Variants in UST observed in about 807,000 individuals in gnomAD.
UST encodes the protein chondroitin sulfate 2-O-sulfotransferase.
A neutral mutation model predicts 45.6 loss-of-function variants in UST; 21 were observed. The observed-to-expected ratio is 0.46, with a 90% CI of 0.33 to 0.66. UST has a LOEUF of 0.66. UST is among the 30% of genes least tolerant of loss of function. The pLI is 0.02. For synonymous variants in UST, 215 were observed against 200.6 expected (o/e 1.07, Z -0.61); for missense variants, 463 against 512.4 (o/e 0.90, Z 0.93).
At position 148,902,949 on chromosome 6, in the gene UST, T is replaced by C. The variant is rs148449189; in HGVS notation, c.291+15920T>C. On this transcript the variant is annotated intron_variant, in intron 2 of 7. Transcript: ENST00000367463. ...CTTATTATAACATTCTTTGGTTCCA[T>C]ACGGGGTCTTTACATTTCACACTAA... Among the ~76,000 whole-genome samples, 882 of 152,294 alleles carry C rather than the reference T, an allele frequency of 5.8e-3. 3 individuals are homozygous for C. The highest frequency in any genetic ancestry group is 0.017 in the Middle Eastern group (5 of 294).
At chr6:148,957,675 T>G (rs1177464587) in intron 4 of UST, among the ~76,000 whole-genome samples, 3 of 152,206 alleles carry the variant, frequency 2.0e-5, no homozygotes, top group Non-Finnish European at 4.4e-5. Flanking sequence ...CCTCAAGTGA[T>G]TTGCCCACCT....
intron 2 of UST, among the ~76,000 whole-genome samples, chr6:148,909,819 A>T (rs1474894650): frequency 3.3e-5 from 5 of 152,038 alleles, no homozygotes; most frequent in African/African-American, 1.2e-4. Flanking sequence ...CCCCCGCCAC[A>T]GCAAAAATGA....
At chr6:148,834,601 G>A (rs1777752170) in intron 1 of UST, among the ~76,000 whole-genome samples, 2 of 152,132 alleles carry the variant, frequency 1.3e-5, no homozygotes, top group African/African-American at 2.4e-5. Context: ...CAGGCATGGT[G>A]GTGCACGCCT....
chr6:149,075,441 G>A lies in UST; in HGVS notation c.*1325G>A, dbSNP rs1320787497. ...GAACTCTTACTTGAGACATCAAAAA[G>A]AAGCAGCAAGAGCTTCTGGGACAGA... On this transcript the variant is annotated 3_prime_UTR_variant, in exon 8 of 8. Coordinates refer to ENST00000367463, the MANE Select transcript of UST (RefSeq NM_005715.3). 1 of 152,142 alleles carries A rather than the reference G, an allele frequency of 6.6e-6. No individual in the cohort carries two copies. The highest frequency in any genetic ancestry group is 1.9e-4 in the East Asian group (1 of 5,192). The allele number at this position is 152,142 out of a possible 1,614,324, so 9.4% of individuals were successfully genotyped here.
intron 3 of UST, among the ~76,000 whole-genome samples, chr6:148,951,164 G>A (rs906304911): frequency 2.6e-5 from 4 of 152,208 alleles, no homozygotes; most frequent in African/African-American, 9.7e-5. Context: ...GCCAGTTGAG[G>A]GAAATAGCAC....
intron 1 of UST, among the ~76,000 whole-genome samples, chr6:148,810,609 G>A (rs1197223541): frequency 6.6e-6 from 1 of 152,212 alleles, no homozygotes; most frequent in Non-Finnish European, 1.5e-5. Flanking sequence ...GCTAAGCAAT[G>A]TGGGGTCAAA....
chr6:149,048,615 T>C (rs1412989352), intron 7 of UST, among the ~76,000 whole-genome samples: 1 of 152,082 alleles, frequency 6.6e-6, no homozygotes. Flanking sequence ...TAAAACATAC[T>C]TAAGTTGGCA....
At chr6:149,024,089 C>T (rs1253851097) in intron 7 of UST, among the ~76,000 whole-genome samples, 1 of 152,196 alleles carries the variant, frequency 6.6e-6, no homozygotes, top group Non-Finnish European at 1.5e-5. Flanking sequence ...TAAGCCAGGC[C>T]ACTTGGCCAG....
intron 2 of UST, among the ~76,000 whole-genome samples, chr6:148,924,315 C>T (rs1028227627): frequency 9.2e-5 from 14 of 152,200 alleles, no homozygotes; most frequent in Non-Finnish European, 1.6e-4. Context: ...CACTTCAGGG[C>T]CAGATGTCCC....
intron 1 of UST, among the ~76,000 whole-genome samples, chr6:148,773,774 G>C (rs909008360): frequency 1.3e-5 from 2 of 152,166 alleles, no homozygotes; most frequent in Non-Finnish European, 2.9e-5. Context: ...CAGGTTTAGG[G>C]CTCAGAATAG....
chr6:148,840,487 G>T (rs1302249424), intron 1 of UST, among the ~76,000 whole-genome samples: 5 of 152,172 alleles, frequency 3.3e-5, no homozygotes, highest in African/African-American at 1.2e-4. Context: ...GTTAGCATCA[G>T]AAGGAAGCCA....
rs566921112 is a variant in UST at position 148,866,462 on chromosome 6, G to T, written c.248-20524G>T. Among the ~76,000 whole-genome samples, 4 of 152,184 alleles carry T rather than the reference G, an allele frequency of 2.6e-5. No homozygotes were observed. The East Asian group carries it at 5.8e-4, about 22-fold the overall frequency. ...GGGGAAATTTTTTGACCCCTTGAGG[G>T]TTGTTTCCTCGTCTACAAGATGCGA... On this transcript the variant is annotated intron_variant, in intron 1 of 7. Coordinates refer to ENST00000367463, the MANE Select transcript of UST (RefSeq NM_005715.3).
chr6:148,753,252 C>T (rs1776023837), intron 1 of UST, among the ~76,000 whole-genome samples: 1 of 152,036 alleles, frequency 6.6e-6, no homozygotes, highest in Non-Finnish European at 1.5e-5. Flanking sequence ...TTTTCATCAC[C>T]ACAAGGAGAA....
At chr6:149,030,050 C>T (rs1293835337) in intron 7 of UST, among the ~76,000 whole-genome samples, 1 of 152,098 alleles carries the variant, frequency 6.6e-6, no homozygotes, top group Non-Finnish European at 1.5e-5. Context: ...TTATAAAACA[C>T]TTTCATATAG....
intron 7 of UST, among the ~76,000 whole-genome samples, chr6:149,064,895 A>T (rs1184234890): frequency 3.3e-4 from 8 of 24,056 alleles, no homozygotes; most frequent in African/African-American, 1.5e-3. Context: ...TCCATTTCTA[A>T]AAAAAAAAAA....
At chr6:149,062,985 C>T (rs184176704) in intron 7 of UST, among the ~76,000 whole-genome samples, 2,320 of 152,352 alleles carry the variant, frequency 0.015, 69 homozygotes, top group African/African-American at 0.053. Flanking sequence ...ATACAGAAAG[C>T]AGCCCCCTCC....
At chr6:149,007,568 G>A (rs568711370) in intron 5 of UST, among the ~76,000 whole-genome samples, 172 of 150,644 alleles carry the variant, frequency 1.1e-3, no homozygotes, top group African/African-American at 3.8e-3. Context: ...GATTACAGGC[G>A]TGAGCCACCG....
chr6:148,963,864 A>G (rs1036683755), intron 4 of UST, among the ~76,000 whole-genome samples: 3 of 152,238 alleles, frequency 2.0e-5, no homozygotes, highest in Non-Finnish European at 4.4e-5. Flanking sequence ...AACAAGGTGA[A>G]TAGCGAGTGC....
intron 2 of UST, among the ~76,000 whole-genome samples, chr6:148,907,457 G>A (rs978767808): frequency 1.3e-5 from 2 of 152,130 alleles, no homozygotes; most frequent in African/African-American, 2.4e-5. Context: ...CACTTTTAAT[G>A]AGCCCTACTA....
Sources: allele counts gnomAD v4.1 joint callset (sites outside exome capture counted in the v4.1 genomes callset), GRCh38; gene constraint gnomAD v4.1.1; transcripts MANE v1.5; gene names NCBI Gene and HGNC (gene_info 2026-07-23, HGNC 2026-07-21).